TOGARAM2: variants seen among roughly 807,000 people sequenced by gnomAD.
The protein encoded by TOGARAM2 is TOG array regulator of axonemal microtubules protein 2.
In TOGARAM2, 85 loss-of-function variants were observed where a neutral mutation model predicts 93.3. The ratio of observed to expected loss-of-function variants is 0.91; its 90% CI spans 0.76 to 1.09. The LOEUF is 1.09. Ranked by LOEUF, TOGARAM2 falls within the 50% of genes least tolerant of loss-of-function variation. The pLI is 0.00. For synonymous variants in TOGARAM2, 593 were observed against 552.8 expected, an observed-to-expected ratio of 1.07 and a Z score of -1.02; for missense variants, 1,277 against 1,334.5, an observed-to-expected ratio of 0.96 and a Z score of 0.67.
intron 10 of TOGARAM2, among the ~76,000 whole-genome samples, chr2:29,020,022 GC>G (rs1229766637): frequency 6.6e-6 from 1 of 152,218 alleles, no homozygotes; most frequent in Non-Finnish European, 1.5e-5. Context: ...CACTGCGAGA[GC>G]ACACCCAACA....
At chr2:29,020,897 T>C (rs1252338057) in intron 10 of TOGARAM2, among the ~76,000 whole-genome samples, 1 of 152,118 alleles carries the variant, frequency 6.6e-6, no homozygotes, top group East Asian at 1.9e-4. Flanking sequence ...GCTTTGTGTC[T>C]CCGCTTTTTT....
At chr2:29,037,255 C>T (rs1256449087) in intron 18 of TOGARAM2, among the ~76,000 whole-genome samples, 3 of 152,244 alleles carry the variant, frequency 2.0e-5, no homozygotes, top group Non-Finnish European at 2.9e-5. Context: ...AATGTTGGTG[C>T]ATCTGCTTGT....
rs1259865121 is a variant in TOGARAM2, at chr2:28,964,858, G to T, written c.-147+8161G>T. On this transcript the variant is annotated intron_variant, in intron 1 of 6. Transcript: ENST00000401723. ...GGCTGCATAGTATTCCATGGTGTATGTGTACCACCTTTTCTTTATCCAGTC... is the reference window on the plus strand; with the variant it reads ...GGCTGCATAGTATTCCATGGTGTATTTGTACCACCTTTTCTTTATCCAGTC... 2.6e-5 allele frequency among the ~76,000 whole-genome samples: 4 copies of T among 152,222 alleles called. No homozygotes were observed. In the South Asian group the frequency reaches 8.3e-4, roughly 32 times the overall value.
At chr2:28,984,970 T>C (rs1326979578) in intron 1 of TOGARAM2, among the ~76,000 whole-genome samples, 3 of 152,228 alleles carry the variant, frequency 2.0e-5, no homozygotes, top group Admixed American at 2.0e-4. Context: ...GTGTGATGCC[T>C]ATAGGGGTAT....
chr2:28,987,897 C>T (rs1672540658), intron 1 of TOGARAM2, among the ~76,000 whole-genome samples: 1 of 152,218 alleles, frequency 6.6e-6, no homozygotes, highest in Admixed American at 6.5e-5. Flanking sequence ...GAGTCAGGGG[C>T]CTGAGTGGCG....
upstream of TOGARAM2, among the ~76,000 whole-genome samples, chr2:28,976,931 G>A (rs1572620597): frequency 6.6e-6 from 1 of 152,188 alleles, no homozygotes; most frequent in South Asian, 2.1e-4. Flanking sequence ...TGGAGGGGGT[G>A]GGGCAGTGGT....
chr2:28,982,294 G>C (rs921647104), intron 1 of TOGARAM2, among the ~76,000 whole-genome samples: 2 of 152,288 alleles, frequency 1.3e-5, no homozygotes, highest in South Asian at 4.1e-4. Flanking sequence ...CACTTCTCCA[G>C]GACAAGGGCT....
chr2:29,036,945 C>T (rs1351982483), intron 18 of TOGARAM2, among the ~76,000 whole-genome samples, 188 bp downstream of exon 18: 2 of 152,126 alleles, frequency 1.3e-5, no homozygotes, highest in African/African-American at 4.8e-5. Context: ...GTCACAGCCA[C>T]CCACACCTCT....
chr2:29,006,774 A>G (rs1216946537), intron 6 of TOGARAM2, among the ~76,000 whole-genome samples: 1 of 152,000 alleles, frequency 6.6e-6, no homozygotes, highest in African/African-American at 2.4e-5. Flanking sequence ...GCCTCCTCAG[A>G]CAGCAGCTTG....
Position 29,017,789 on chromosome 2 carries a change from C to A in TOGARAM2, c.1196-3C>A, listed in dbSNP as rs751025856. On this transcript the variant is annotated splice_polypyrimidine_tract_variant and splice_region_variant and intron_variant, in intron 9 of 19. Transcript: ENST00000379558. ...AGTCCTAGGACTTTCTCTGTGTCCA[C>A]AGGCCTCCTTCCCCTCCGGGGCAGC... is the stretch of plus-strand genomic sequence containing the variant. 10 of 1,605,034 alleles carry A rather than the reference C, an allele frequency of 6.2e-6. No individual in the cohort carries two copies. The South Asian group carries it at 1.1e-4, about 18-fold the overall frequency.
chr2:29,045,282 G>T lies in TOGARAM2; in HGVS notation c.2636-42G>T, dbSNP rs558144684. ...TGCAAACCCCTAGTGCTGTCACTCA[G>T]CCCCCAGCAGTGTGGCCACTGACAT... On this transcript the variant is annotated intron_variant, in intron 18 of 19. Transcript: ENST00000379558. 8.5e-6 allele frequency: 13 copies of T among 1,530,510 alleles called. No homozygotes were observed. In the South Asian group the frequency reaches 1.4e-4, roughly 16 times the overall value. 94.8% of individuals were successfully genotyped at this position (1,530,510 alleles called of 1,614,324 possible). A position where few individuals can be genotyped will look rare whatever the true frequency, so the allele number is the denominator to read the frequency against.
intron 1 of TOGARAM2, among the ~76,000 whole-genome samples, chr2:28,962,718 C>A (rs1269678012): frequency 6.6e-6 from 1 of 151,112 alleles, no homozygotes; most frequent in Non-Finnish European, 1.5e-5. Context: ...ATTCCCTCTC[C>A]CTCTGCCTCT....
chr2:29,033,248 A>G (rs1665886183), intron 15 of TOGARAM2, among the ~76,000 whole-genome samples, 197 bp downstream of exon 15: 1 of 152,280 alleles, frequency 6.6e-6, no homozygotes. Flanking sequence ...CACACTACCC[A>G]TGTTCCTTGA....
intron 16 of TOGARAM2, among the ~76,000 whole-genome samples, chr2:29,034,804 G>A (rs1424444041): frequency 6.6e-6 from 1 of 152,120 alleles, no homozygotes; most frequent in Non-Finnish European, 1.5e-5. Context: ...ATAGGAGCTG[G>A]GCAGAAGGTT....
chr2:28,996,786 T>G (rs1438976621), intron 2 of TOGARAM2, among the ~76,000 whole-genome samples: 2 of 115,442 alleles, frequency 1.7e-5, no homozygotes, highest in Non-Finnish European at 3.3e-5. Context: ...ATCGCACCAC[T>G]GAGACTCCAT....
At chr2:28,977,449 C>T (rs1672053956), upstream of TOGARAM2, among the ~76,000 whole-genome samples, 1 of 152,136 alleles carries the variant, frequency 6.6e-6, no homozygotes, top group Non-Finnish European at 1.5e-5. Flanking sequence ...AACACCAGCC[C>T]AGGGGGTCAG....
chr2:29,026,294 A>C (rs1665358232), intron 13 of TOGARAM2, among the ~76,000 whole-genome samples: 1 of 152,170 alleles, frequency 6.6e-6, no homozygotes, highest in Non-Finnish European at 1.5e-5. Flanking sequence ...AGCAGTGAAA[A>C]AGAAAAATGA....
chr2:29,024,195 C>A lies in TOGARAM2; in HGVS notation c.1674C>A (p.Leu558=). 6.2e-7 allele frequency: 1 copy of A among 1,604,282 alleles called. No homozygotes were observed. The highest frequency in any genetic ancestry group is 8.5e-7 in the Non-Finnish European group (1 of 1,175,252). Residue 558 remains leucine (L), a synonymous_variant, in exon 13 of 20, where the codon CTC becomes CTA. Transcript: ENST00000379558. ...SHLAISTLGD[L]FQALKKNMDQ... Reference sequence around the variant, plus strand: ...TGGCCATCAGCACCTTGGGAGACCTCTTCCAGGCCTTGAAGAAGAATATGG... The same window carrying A: ...TGGCCATCAGCACCTTGGGAGACCTATTCCAGGCCTTGAAGAAGAATATGG...
chr2:28,976,344 C>G (rs1672034970), upstream of TOGARAM2, among the ~76,000 whole-genome samples: 1 of 152,180 alleles, frequency 6.6e-6, no homozygotes, highest in African/African-American at 2.4e-5. Context: ...GCACTCCAGC[C>G]TGGGCGACAG....
Sources: gnomAD v4.1 joint callset for allele counts (sites outside exome capture counted in the v4.1 genomes callset) on GRCh38, gnomAD v4.1.1 for gene constraint, MANE v1.5 for transcripts, NCBI Gene and HGNC (gene_info 2026-07-23, HGNC 2026-07-21) for gene names.